Variants in DPP4 observed in about 807,000 individuals in gnomAD.
The protein encoded by DPP4 is dipeptidyl peptidase 4.
A neutral mutation model predicts 122.4 loss-of-function variants in DPP4; 93 were observed. The observed-to-expected ratio is 0.76, with a 90% CI of 0.64 to 0.90. The LOEUF is 0.90. Among genes scored for constraint, DPP4 ranks in the 40% least tolerant of loss-of-function variants. The pLI is 0.00. For missense variants in DPP4, 914 were observed against 907.3 expected, an observed-to-expected ratio of 1.01 and a Z score of -0.09; for synonymous variants, 321 against 302.9, an observed-to-expected ratio of 1.06 and a Z score of -0.62.
At position 162,047,409 on chromosome 2, in the gene DPP4, T is replaced by C. The variant is rs149517088; in HGVS notation, c.187A>G (p.Ile63Val). The change falls in exon 3 of 26, where the codon ATT becomes GTT. Residue 63 changes from isoleucine to valine, a missense_variant. Ile to Val is a conservative substitution (Grantham distance 29, BLOSUM62 3). Coordinates refer to ENST00000360534, the MANE Select transcript of DPP4 (RefSeq NM_001935.4). ...TACCCCAAAAAATTCTTACCTGAAA[T>C]CCATCTTAAGGAGTATAACTTCAGT... ...YRLKLYSLRW[I>V]SDHEYLYKQE... is the part of the protein sequence containing the mutation. 186 of 1,528,170 alleles carry C rather than the reference T, an allele frequency of 1.2e-4. No individual in the cohort carries two copies. Among genetic ancestry groups the C allele is most frequent in the Non-Finnish European group, 1.5e-4 (168 of 1,125,376 alleles). 94.7% of individuals were successfully genotyped at this position (1,528,170 alleles called of 1,614,324 possible).
rs904698893 is a variant in DPP4 at position 162,018,775 on chromosome 2, A to T, written c.1374T>A (p.Ser458=). The T allele has an allele frequency of 2.5e-6, 4 of 1,614,046 alleles. No individual in the cohort carries two copies. Among genetic ancestry groups the T allele is most frequent in the African/African-American group, 1.3e-5 (1 of 74,924 alleles). The change falls in exon 16 of 26, where the codon TCT becomes TCA. Residue 458 remains serine (S), a synonymous_variant. Transcript: ENST00000360534. ...ELNPERCQYY[S]VSFSKEAKYY... is the part of the protein sequence containing the mutation. ...ACTTCGCCTCTTTACTGAATGACAC[A>T]GAATAGTACTGACACCTTTCCGGAT...
Position 161,993,328 on chromosome 2 carries a change from A to G in DPP4, c.2256T>C (p.Tyr752=). ...IASSTAHQHI[Y]THMSHFIKQC... ...GTTTTATGAAGTGGCTCATGTGGGT[A>G]TATATATGTTGGTGTGCTGTGCTGC... Residue 752 remains tyrosine, a synonymous_variant, in exon 26 of 26, where the codon TAT becomes TAC. Transcript: ENST00000360534. 2 of 1,613,488 alleles carry G rather than the reference A, an allele frequency of 1.2e-6. No homozygotes were observed. The highest frequency in any genetic ancestry group is 1.1e-5 in the South Asian group (1 of 91,066).
intron 5 of DPP4, among the ~76,000 whole-genome samples, chr2:162,039,576 G>A (rs1683916226): frequency 6.6e-6 from 1 of 152,118 alleles, no homozygotes; most frequent in South Asian, 2.1e-4. Context: ...TGATGGTGAT[G>A]TGAAGAAATG....
chr2:162,034,803 AACTTCGTCGAGGGC>A (rs1271789375), intron 9 of DPP4, among the ~76,000 whole-genome samples: 3 of 152,184 alleles, frequency 2.0e-5, no homozygotes, highest in Non-Finnish European at 4.4e-5. Flanking sequence ...TGAGCTTTGC[AACTTCGTCGAGGGC>A]ACAATCCAAC....
At chr2:162,031,078 A>G (rs1467440765) in intron 10 of DPP4, among the ~76,000 whole-genome samples, 1 of 152,254 alleles carries the variant, frequency 6.6e-6, no homozygotes, top group African/African-American at 2.4e-5. Flanking sequence ...GTCCCAGCCC[A>G]TGAGAAGGAC....
chr2:162,045,965 T>G (rs1045680041), intron 4 of DPP4, among the ~76,000 whole-genome samples: 3 of 152,050 alleles, frequency 2.0e-5, no homozygotes, highest in Non-Finnish European at 2.9e-5. Flanking sequence ...AACCTGAATA[T>G]AGTTTGTGGG....
At position 162,012,799 on chromosome 2, in the gene DPP4, C is replaced by G. The variant is rs984742610; in HGVS notation, c.1638-812G>C. Among the ~76,000 whole-genome samples the G allele has an allele frequency of 6.6e-5, 10 of 152,146 alleles. No homozygotes were observed. In the South Asian group the frequency reaches 1.5e-3, roughly 22 times the overall value. On this transcript the variant is annotated intron_variant, in intron 19 of 25. Transcript: ENST00000360534. ...TACACAACTCCTGGACATGGATACT[C>G]TCCAATAACTTATTCCCTCCCCAGC... is the stretch of plus-strand genomic sequence containing the variant.
chr2:162,062,188 G>A (rs1012858283), intron 2 of DPP4, among the ~76,000 whole-genome samples: 17 of 152,166 alleles, frequency 1.1e-4, no homozygotes, highest in South Asian at 4.1e-4. Flanking sequence ...AGGCTGAGGC[G>A]GGAGAATCGC....
intron 23 of DPP4, among the ~76,000 whole-genome samples, chr2:162,004,603 GCA>G (rs985516017): frequency 5.3e-5 from 6 of 113,550 alleles, no homozygotes; most frequent in Non-Finnish European, 9.7e-5. Context: ...ACACACACAC[GCA>G]CACACACACA....
At chr2:162,009,106 G>C in intron 21 of DPP4, 135 bp downstream of exon 21, 1 of 866,086 alleles carries the variant, frequency 1.2e-6, no homozygotes, top group Non-Finnish European at 1.9e-6. Flanking sequence ...AGATTCTGCA[G>C]AGTTACTGCC....
chr2:162,022,561 T>C (rs1398465925), intron 12 of DPP4, among the ~76,000 whole-genome samples, 194 bp downstream of exon 12: 1 of 152,200 alleles, frequency 6.6e-6, no homozygotes, highest in Non-Finnish European at 1.5e-5. Context: ...GTCCCCTTAC[T>C]TTTTCCAACT....
intron 10 of DPP4, among the ~76,000 whole-genome samples, chr2:162,030,633 G>A (rs1683512258): frequency 1.3e-5 from 2 of 152,150 alleles, no homozygotes; most frequent in Non-Finnish European, 2.9e-5. Context: ...AGAAAACGGT[G>A]TATCATCATG....
intron 10 of DPP4, among the ~76,000 whole-genome samples, chr2:162,028,205 T>C (rs936866060): frequency 6.6e-5 from 10 of 151,978 alleles, no homozygotes; most frequent in African/African-American, 1.7e-4. Context: ...CTACTAAAAA[T>C]ACAAAAATTA....
At chr2:162,063,733 GA>G (rs1329320873) in intron 2 of DPP4, among the ~76,000 whole-genome samples, 1 of 151,998 alleles carries the variant, frequency 6.6e-6, no homozygotes, top group Non-Finnish European at 1.5e-5. Flanking sequence ...AAAAAAGGGA[GA>G]GGGGTAACAG....
rs150213586 is a variant in DPP4, at chr2:161,995,371, T to A, written c.2054A>T (p.Asn685Ile). The change falls in exon 24 of 26, where the codon AAT becomes ATT. Residue 685 changes from asparagine (N) to isoleucine (I), a missense_variant and splice_region_variant. Coordinates refer to ENST00000360534, the MANE Select transcript of DPP4 (RefSeq NM_001935.4). Reference sequence around the variant, plus strand: ...TTCAGCTCTGCTCATGACTGTTGAATTCTGGAATTGGGAGAAAGAATGTCA... The same window carrying A: ...TTCAGCTCTGCTCATGACTGTTGAAATCTGGAATTGGGAGAAAGAATGTCA... ...TPEDNLDHYRNSTVMSRAENF... is the reference protein window; with the variant it reads ...TPEDNLDHYRISTVMSRAENF... The A allele has an allele frequency of 2.2e-5, 35 of 1,612,886 alleles. No individual in the cohort carries two copies. The highest frequency in any genetic ancestry group is 2.8e-5 in the Non-Finnish European group (33 of 1,179,042).
chr2:161,996,226 A>G lies in DPP4; in HGVS notation c.2053-854T>C, dbSNP rs1368413294. Among the ~76,000 whole-genome samples the G allele has an allele frequency of 2.0e-5, 3 of 152,198 alleles. No homozygotes were observed. In the South Asian group the frequency reaches 6.2e-4, roughly 32 times the overall value. On this transcript the variant is annotated intron_variant, in intron 23 of 25. Coordinates refer to ENST00000360534, the MANE Select transcript of DPP4 (RefSeq NM_001935.4). Reference sequence around the variant, plus strand: ...AATCTGAATTTGAGGATATTTACCAAAGTTGGGATGAAGGTAAAAATGCCA... The same window carrying G: ...AATCTGAATTTGAGGATATTTACCAGAGTTGGGATGAAGGTAAAAATGCCA...
intron 6 of DPP4, 41 bp downstream of exon 6, chr2:162,039,091 C>T: frequency 1.2e-6 from 2 of 1,610,550 alleles, no homozygotes; most frequent in Non-Finnish European, 1.7e-6. Context: ...AAAAATATGA[C>T]AGTAGGAAAG....
rs1460901735 is a variant in DPP4, at chr2:162,039,034, T to C, written c.420-13A>G. The C allele has an allele frequency of 4.3e-6, 7 of 1,613,272 alleles. No homozygotes were observed. The highest frequency in any genetic ancestry group is 5.9e-6 in the Non-Finnish European group (7 of 1,179,406). ...TGTAATCAGCTGCCTGGAAAAAAGA[T>C]GAAAGGAAATATTATCAAAAAGAAT... On this transcript the variant is annotated splice_polypyrimidine_tract_variant and intron_variant, in intron 6 of 25. Transcript: ENST00000360534.
chr2:162,014,255 G>C, intron 19 of DPP4, 141 bp downstream of exon 19: 1 of 676,336 alleles, frequency 1.5e-6, no homozygotes, highest in Non-Finnish European at 2.5e-6. Flanking sequence ...TTTTGTGGCT[G>C]TACAGTGAAA....
Sources: gnomAD v4.1 joint callset for allele counts (sites outside exome capture counted in the v4.1 genomes callset) on GRCh38, gnomAD v4.1.1 for gene constraint, MANE v1.5 for transcripts, NCBI Gene and HGNC (gene_info 2026-07-23, HGNC 2026-07-21) for gene names.